MAEL: variants seen among roughly 807,000 people sequenced by gnomAD.
MAEL encodes the protein protein maelstrom homolog.
Under a neutral mutation model 62.0 loss-of-function variants are expected in MAEL, and 46 were observed. The ratio of observed to expected loss-of-function variants is 0.74; its 90% CI spans 0.59 to 0.95. The LOEUF (loss-of-function observed/expected upper bound fraction) is 0.95. Ranked by LOEUF, MAEL falls within the 40% of genes least tolerant of loss-of-function variation. MAEL has a pLI of 0.00. For missense variants in MAEL, 497 were observed against 526.8 expected (o/e 0.94, Z 0.55); for synonymous variants, 172 against 175.5 (o/e 0.98, Z 0.16).
chr1:167,014,948 C>T lies in MAEL; in HGVS notation c.846-1274C>T, dbSNP rs115805161. ...TGAGGCACGAGTTATCATTTGAACCCTGGAGGTGGAGGTTGCAGTGAGCAG... is the reference window on the plus strand; with the variant it reads ...TGAGGCACGAGTTATCATTTGAACCTTGGAGGTGGAGGTTGCAGTGAGCAG... On this transcript the variant is annotated intron_variant, in intron 8 of 11. Transcript: ENST00000367872. Among the ~76,000 whole-genome samples the T allele has an allele frequency of 6.4e-3, 972 of 152,246 alleles. 11 individuals carry two copies. The highest frequency in any genetic ancestry group is 0.022 in the African/African-American group (928 of 41,546).
intron 5 of MAEL, among the ~76,000 whole-genome samples, chr1:166,996,455 T>C (rs1464821574): frequency 6.6e-6 from 1 of 152,184 alleles, no homozygotes; most frequent in African/African-American, 2.4e-5. Flanking sequence ...ATTTTGAAAA[T>C]TGCTTTCAGC....
intron 5 of MAEL, among the ~76,000 whole-genome samples, chr1:167,001,930 C>T (rs191222610): frequency 2.6e-5 from 4 of 152,192 alleles, no homozygotes; most frequent in South Asian, 4.1e-4. Flanking sequence ...TATAGGTGCA[C>T]GTCACACGCC....
intron 5 of MAEL, among the ~76,000 whole-genome samples, chr1:167,001,694 T>C (rs533332687): frequency 6.6e-6 from 1 of 152,344 alleles, no homozygotes; most frequent in South Asian, 2.1e-4. Context: ...TATGTTTATA[T>C]TCCCTATCTG....
chr1:166,976,913 GCCA>G (rs1375700669), intron 1 of MAEL, among the ~76,000 whole-genome samples: 3 of 152,218 alleles, frequency 2.0e-5, no homozygotes, highest in Admixed American at 6.5e-5. Flanking sequence ...AAAGTCTAGA[GCCA>G]CCTCCCTGAC....
chr1:166,979,995 T>C (rs566437355), intron 1 of MAEL, among the ~76,000 whole-genome samples: 30 of 152,254 alleles, frequency 2.0e-4, no homozygotes, highest in Non-Finnish European at 3.8e-4. Context: ...ATCATTCATT[T>C]ATATTTTTTC....
intron 8 of MAEL, among the ~76,000 whole-genome samples, chr1:167,011,537 A>G (rs1436192802): frequency 6.6e-6 from 1 of 152,154 alleles, no homozygotes; most frequent in Non-Finnish European, 1.5e-5. Flanking sequence ...AGCATTTCTT[A>G]AAAAAGAACT....
chr1:166,984,350 C>T (rs1663851703), upstream of MAEL, among the ~76,000 whole-genome samples: 1 of 152,166 alleles, frequency 6.6e-6, no homozygotes, highest in African/African-American at 2.4e-5. Flanking sequence ...GCTTTGAACC[C>T]TTTCTCCAAA....
At chr1:166,989,580 T>C (rs956212280) in intron 1 of MAEL, 96 bp downstream of exon 1, 2 of 1,517,734 alleles carry the variant, frequency 1.3e-6, no homozygotes, top group Non-Finnish European at 1.8e-6. Context: ...GTCAGGCGGC[T>C]TGGCCCTGCC....
At chr1:166,993,221 G>T (rs945834366) in intron 4 of MAEL, among the ~76,000 whole-genome samples, 3 of 152,138 alleles carry the variant, frequency 2.0e-5, no homozygotes, top group Non-Finnish European at 2.9e-5. Context: ...TTGCTTTGTA[G>T]CCTTGAAGAA....
At chr1:166,998,113 A>G (rs1262989897) in intron 5 of MAEL, among the ~76,000 whole-genome samples, 1 of 152,126 alleles carries the variant, frequency 6.6e-6, no homozygotes, top group Non-Finnish European at 1.5e-5. Context: ...TAAGCCCCCG[A>G]CCTCATTCTT....
At chr1:167,001,744 T>C (rs1008945139) in intron 5 of MAEL, among the ~76,000 whole-genome samples, 1 of 152,222 alleles carries the variant, frequency 6.6e-6, no homozygotes, top group Non-Finnish European at 1.5e-5. Context: ...TGAATGCTTT[T>C]TCTGCATGTC....
intron 5 of MAEL, among the ~76,000 whole-genome samples, chr1:166,998,936 T>C (rs1249747135): frequency 2.6e-5 from 4 of 152,220 alleles, no homozygotes; most frequent in Non-Finnish European, 5.9e-5. Context: ...TGTAATTGTT[T>C]TGGAGTGTCA....
intron 3 of MAEL, among the ~76,000 whole-genome samples, chr1:166,992,474 T>A (rs1468258984): frequency 6.6e-6 from 1 of 152,158 alleles, no homozygotes; most frequent in Non-Finnish European, 1.5e-5. Context: ...CAAAGAGTGG[T>A]TACTTTAATC....
intron 8 of MAEL, among the ~76,000 whole-genome samples, chr1:167,015,530 T>C (rs992861902): frequency 6.6e-6 from 1 of 152,178 alleles, no homozygotes; most frequent in South Asian, 2.1e-4. Flanking sequence ...TGTGTACTCA[T>C]TGGAAAGATA....
chr1:166,991,592 C>G, intron 3 of MAEL, 115 bp downstream of exon 3: 1 of 646,886 alleles, frequency 1.5e-6, no homozygotes, highest in Non-Finnish European at 2.8e-6. Context: ...TAAATAACTG[C>G]AAGTGTTAAA....
intron 1 of MAEL, among the ~76,000 whole-genome samples, chr1:166,978,287 A>G (rs1663654804): frequency 6.6e-6 from 1 of 152,196 alleles, no homozygotes; most frequent in Non-Finnish European, 1.5e-5. Flanking sequence ...CGCCCAGGCC[A>G]TCCTGAAGGG....
chr1:167,008,075 A>G (rs1665007961), intron 8 of MAEL, among the ~76,000 whole-genome samples: 2 of 152,142 alleles, frequency 1.3e-5, no homozygotes, highest in African/African-American at 4.8e-5. Context: ...AGCTTCATTA[A>G]AAAAAGCTTG....
At chr1:166,980,515 A>G (rs962631878) in intron 1 of MAEL, among the ~76,000 whole-genome samples, 2 of 152,154 alleles carry the variant, frequency 1.3e-5, no homozygotes, top group African/African-American at 2.4e-5. Flanking sequence ...CCAGATACAA[A>G]GCCCCCACAT....
chr1:167,002,748 A>T (rs1187237484), intron 5 of MAEL, among the ~76,000 whole-genome samples: 1 of 152,266 alleles, frequency 6.6e-6, no homozygotes, highest in Non-Finnish European at 1.5e-5. Context: ...ACTTCACAGC[A>T]TAAACAATGG....
Sources: gnomAD v4.1 joint callset for allele counts (sites outside exome capture counted in the v4.1 genomes callset) on GRCh38, gnomAD v4.1.1 for gene constraint, MANE v1.5 for transcripts, NCBI Gene and HGNC (gene_info 2026-07-23, HGNC 2026-07-21) for gene names.